FYN: variants seen among roughly 807,000 people sequenced by gnomAD.
FYN encodes the protein FYN proto-oncogene, Src family tyrosine kinase, also known as tyrosine-protein kinase Fyn.
Under a neutral mutation model 70.2 loss-of-function variants are expected in FYN, and 10 were observed. The ratio of observed to expected loss-of-function variants is 0.14; its 90% CI spans 0.09 to 0.24. FYN has a LOEUF of 0.24. FYN is among the 10% of genes least tolerant of loss of function. The probability of loss-of-function intolerance (pLI) is 1.00; values close to 1 mark genes in which losing one functional copy is unlikely to be tolerated. For missense variants in FYN, 319 were observed against 673.1 expected, an observed-to-expected ratio of 0.47 and a Z score of 5.82; for synonymous variants, 236 against 248.6, an observed-to-expected ratio of 0.95 and a Z score of 0.48.
At chr6:111,731,279 G>A (rs1801438409) in intron 3 of FYN, among the ~76,000 whole-genome samples, 1 of 152,220 alleles carries the variant, frequency 6.6e-6, no homozygotes, top group Non-Finnish European at 1.5e-5. Context: ...CAGTCAAGAA[G>A]ATCCAATTCC....
chr6:111,862,829 TG>T (rs1251582074), intron 1 of FYN, among the ~76,000 whole-genome samples: 1 of 152,112 alleles, frequency 6.6e-6, no homozygotes, highest in Non-Finnish European at 1.5e-5. Flanking sequence ...GGGAAGCTTT[TG>T]AGAGTTGGGA....
intron 3 of FYN, among the ~76,000 whole-genome samples, chr6:111,738,043 T>C (rs1345799196): frequency 6.6e-6 from 1 of 152,224 alleles, no homozygotes; most frequent in Admixed American, 6.5e-5. Context: ...CATCATGAAC[T>C]GTCATCCTCC....
At chr6:111,697,384 C>T (rs1382982719) in intron 9 of FYN, among the ~76,000 whole-genome samples, 1 of 152,070 alleles carries the variant, frequency 6.6e-6, no homozygotes, top group Non-Finnish European at 1.5e-5. Context: ...AAGAAATCTG[C>T]TAATTTAGAT....
chr6:111,860,879 A>G (rs1358975980), intron 1 of FYN, among the ~76,000 whole-genome samples: 2 of 152,238 alleles, frequency 1.3e-5, no homozygotes, highest in Non-Finnish European at 2.9e-5. Context: ...TGGGAATTAC[A>G]TGGTCAACCA....
intron 2 of FYN, among the ~76,000 whole-genome samples, chr6:111,846,362 G>A (rs1317239733): frequency 6.6e-6 from 1 of 152,210 alleles, no homozygotes; most frequent in African/African-American, 2.4e-5. Flanking sequence ...TACCAGAATT[G>A]AGTGTTACAA....
chr6:111,692,619 C>T (rs916036742), intron 12 of FYN, among the ~76,000 whole-genome samples: 70 of 152,360 alleles, frequency 4.6e-4, no homozygotes, highest in African/African-American at 1.6e-3. Flanking sequence ...TAACCACAAA[C>T]CCTGTAGAGT....
chr6:111,843,950 C>T (rs535443711), intron 2 of FYN, among the ~76,000 whole-genome samples: 3 of 151,916 alleles, frequency 2.0e-5, no homozygotes, highest in East Asian at 1.9e-4. Context: ...TTAGAACTTA[C>T]GAAACTTAAA....
chr6:111,748,693 A>C (rs751543809), intron 3 of FYN, among the ~76,000 whole-genome samples: 3 of 152,224 alleles, frequency 2.0e-5, no homozygotes, highest in Non-Finnish European at 4.4e-5. Flanking sequence ...CCAGGTTTCA[A>C]AGACAGCATG....
intron 3 of FYN, among the ~76,000 whole-genome samples, chr6:111,776,669 T>C (rs554662863): frequency 6.6e-6 from 1 of 152,220 alleles, no homozygotes; most frequent in Non-Finnish European, 1.5e-5. Context: ...TGGGAAGATA[T>C]TACTGGCCTA....
At chr6:111,864,375 C>T (rs536249651) in intron 1 of FYN, among the ~76,000 whole-genome samples, 68 of 152,300 alleles carry the variant, frequency 4.5e-4, no homozygotes, top group South Asian at 1.5e-3. Context: ...CTCAGTTTTT[C>T]CATCTTTTAA....
intron 3 of FYN, among the ~76,000 whole-genome samples, chr6:111,756,802 T>C (rs1802757037): frequency 6.6e-6 from 1 of 152,198 alleles, no homozygotes; most frequent in Non-Finnish European, 1.5e-5. Context: ...TTTAGCAAAC[T>C]AGGATCAGAA....
chr6:111,807,591 C>A (rs1032418957), intron 2 of FYN, among the ~76,000 whole-genome samples: 4 of 152,154 alleles, frequency 2.6e-5, no homozygotes, highest in African/African-American at 9.7e-5. Flanking sequence ...TATCTAGTCA[C>A]CTGTTCAGAG....
At position 111,661,098 on chromosome 6, in the gene FYN, T is replaced by G. The variant is rs1797714266; in HGVS notation, c.*641A>C. On this transcript the variant is annotated 3_prime_UTR_variant, in exon 14 of 14. Coordinates refer to ENST00000354650, the MANE Select transcript of FYN (RefSeq NM_002037.5). This position sits in a 1 kb window ranked among gnomAD's most constrained non-coding sequence, Gnocchi z 4.0. ...GCCAAAAATGAGGCCACTGGTGTTT[T>G]CAGAATAACACCGGTGCTTTGATGC... The G allele has an allele frequency of 6.6e-6, 1 of 152,290 alleles. No homozygotes were observed. Among genetic ancestry groups the G allele is most frequent in the East Asian group, 1.9e-4 (1 of 5,194 alleles). 9.4% of individuals were successfully genotyped at this position (152,290 alleles called of 1,614,324 possible). A position where few individuals can be genotyped will look rare whatever the true frequency, so the allele number is the denominator to read the frequency against.
At chr6:111,857,668 T>G (rs1773857684) in intron 1 of FYN, among the ~76,000 whole-genome samples, 1 of 152,154 alleles carries the variant, frequency 6.6e-6, no homozygotes, top group African/African-American at 2.4e-5. Context: ...TCAACTTGAT[T>G]ATGATCATTG....
chr6:111,674,925 A>G (rs1200746022), intron 12 of FYN, among the ~76,000 whole-genome samples: 1 of 152,170 alleles, frequency 6.6e-6, no homozygotes, highest in Non-Finnish European at 1.5e-5. Context: ...AAATAATGCT[A>G]TGTTTTAATA....
At chr6:111,871,403 G>A (rs1036039928) in intron 1 of FYN, among the ~76,000 whole-genome samples, 1 of 152,234 alleles carries the variant, frequency 6.6e-6, no homozygotes, top group African/African-American at 2.4e-5. Flanking sequence ...GGAAAGTATT[G>A]CAGTTGCTTG....
At chr6:111,740,090 G>C (rs1232997776) in intron 3 of FYN, among the ~76,000 whole-genome samples, 1 of 152,076 alleles carries the variant, frequency 6.6e-6, no homozygotes, top group African/African-American at 2.4e-5. Context: ...CAAAGTGCTG[G>C]GAGTATCTCA....
At chr6:111,792,032 AT>A (rs59119119) in intron 2 of FYN, among the ~76,000 whole-genome samples, 23,371 of 152,170 alleles carry the variant, frequency 0.15, 2,653 homozygotes, top group African/African-American at 0.33. Context: ...GGAAAATATA[AT>A]TTGGACTATA....
intron 2 of FYN, among the ~76,000 whole-genome samples, chr6:111,844,493 T>C (rs1562542515): frequency 6.6e-6 from 1 of 152,250 alleles, no homozygotes; most frequent in African/African-American, 2.4e-5. Flanking sequence ...AAAAAGGTTC[T>C]GAAAGTGGAA....
Sources: gnomAD v4.1 joint callset for allele counts (sites outside exome capture counted in the v4.1 genomes callset) on GRCh38, gnomAD v4.1.1 for gene constraint, Gnocchi (gnomAD v3.1) non-coding constraint, MANE v1.5 for transcripts, NCBI Gene and HGNC (gene_info 2026-07-23, HGNC 2026-07-21) for gene names.